PCDHGA9: variants seen among roughly 807,000 people sequenced by gnomAD.
PCDHGA9 encodes the protein protocadherin gamma-A9.
In PCDHGA9, 37 loss-of-function variants were observed where a neutral mutation model predicts 62.5. The ratio of observed to expected loss-of-function variants is 0.59; its 90% CI spans 0.46 to 0.78. The LOEUF is 0.78. PCDHGA9 is among the 30% of genes least tolerant of loss of function. The pLI is 0.00. For synonymous variants in PCDHGA9, 459 were observed against 484.6 expected, an observed-to-expected ratio of 0.95 and a Z score of 0.69; for missense variants, 1,138 against 1,166.2, an observed-to-expected ratio of 0.98 and a Z score of 0.35.
intron 1 of PCDHGA9, among the ~76,000 whole-genome samples, chr5:141,494,392 A>C (rs1296077484): frequency 1.3e-5 from 2 of 152,258 alleles, no homozygotes; most frequent in East Asian, 3.9e-4. Flanking sequence ...GAGTTGAATA[A>C]ATTCATTCTA....
chr5:141,423,141 G>A, intron 1 of PCDHGA9: 1 of 1,613,580 alleles, frequency 6.2e-7, no homozygotes, highest in Non-Finnish European at 8.5e-7. Context: ...ACAGAGACGC[G>A]CTCAAGCAGA....
intron 1 of PCDHGA9, chr5:141,419,733 AGGTGCGCATGGTGCGTGCTTTG>A (rs763538035): frequency 1.1e-5 from 18 of 1,613,646 alleles, no homozygotes; most frequent in Non-Finnish European, 1.4e-5. Context: ...CGAACAGGCG[AGGTGCGCATGGTGCGTGCTTTG>A]GGTGACAAGG....
chr5:141,415,419 C>A, intron 1 of PCDHGA9: 1 of 1,614,196 alleles, frequency 6.2e-7, no homozygotes, highest in East Asian at 2.2e-5. Context: ...TGGGCGTGGA[C>A]GGGGTTCGGG....
chr5:141,496,478 G>A lies in PCDHGA9; in HGVS notation c.2483+1613G>A, dbSNP rs150992994. 7.2e-3 allele frequency among the ~76,000 whole-genome samples: 1,093 copies of A among 152,228 alleles called. 19 individuals are homozygous for A. The highest frequency in any genetic ancestry group is 0.025 in the African/African-American group (1,039 of 41,518). ...CCAAGAGTTATCTTTCCCCCATCCT[G>A]CAACCAACCAAACCCTTGTTGCCAC... is the stretch of plus-strand genomic sequence containing the variant. On this transcript the variant is annotated intron_variant, in intron 2 of 3. Transcript: ENST00000573521.
intron 1 of PCDHGA9, among the ~76,000 whole-genome samples, chr5:141,434,831 A>T (rs1328843764): frequency 6.6e-6 from 1 of 151,904 alleles, no homozygotes; most frequent in East Asian, 1.9e-4. Flanking sequence ...TACACTTGGC[A>T]TTTATAAAGC....
intron 1 of PCDHGA9, chr5:141,414,590 G>C (rs1287207695): frequency 1.2e-6 from 2 of 1,613,936 alleles, no homozygotes; most frequent in South Asian, 1.1e-5. Flanking sequence ...AACGCCAGGG[G>C]TGCCTCCATC....
chr5:141,450,207 A>AAGG (rs1164364390), intron 1 of PCDHGA9, among the ~76,000 whole-genome samples: 13 of 151,832 alleles, frequency 8.6e-5, no homozygotes, highest in Non-Finnish European at 1.8e-4. Flanking sequence ...TAGTAGAGAC[A>AAGG]AGGTTTCACT....
intron 1 of PCDHGA9, among the ~76,000 whole-genome samples, chr5:141,457,046 T>A (rs2098905373): frequency 6.6e-6 from 1 of 152,198 alleles, no homozygotes; most frequent in South Asian, 2.1e-4. Flanking sequence ...ATAGTAAAAC[T>A]TTCATGCTTC....
chr5:141,415,740 G>GTTTTTTTTTTTTTTTTTT (rs57426385), intron 1 of PCDHGA9: 15 of 625,028 alleles, frequency 2.4e-5, no homozygotes, highest in African/African-American at 7.5e-5. Flanking sequence ...GTTTATTAAG[G>GTTTTTTTTTTTTTTTTTT]TTTTTTTTTT....
chr5:141,409,508 A>G, intron 1 of PCDHGA9: 2 of 1,614,022 alleles, frequency 1.2e-6, no homozygotes, highest in Non-Finnish European at 1.7e-6. Context: ...TTCTTCCAGT[A>G]GAAGCATCAC....
intron 1 of PCDHGA9, chr5:141,440,130 A>G (rs1222064545): frequency 6.6e-6 from 1 of 152,282 alleles, no homozygotes; most frequent in African/African-American, 2.4e-5. Context: ...TGAATGGATC[A>G]GGAGCAGATA....
In PCDHGA9 at chr5:141,486,329, A is replaced by C. The variant is rs1045072240; in HGVS notation, c.2425-8478A>C. 1.2e-6 allele frequency: 2 copies of C among 1,613,882 alleles called. No individual in the cohort carries two copies. Among genetic ancestry groups the C allele is most frequent in the African/African-American group, 2.7e-5 (2 of 74,866 alleles). ...AGACTCAGGGTCAAACGGAGATGTG[A>C]GCCTCCGCATTCCTGACCACTTGCC... On this transcript the variant is annotated intron_variant, in intron 1 of 3. Transcript: ENST00000573521. The surrounding 1 kb of genome is among the most constrained non-coding windows in gnomAD (Gnocchi z 5.0).
intron 2 of PCDHGA9, among the ~76,000 whole-genome samples, chr5:141,503,202 C>G (rs1562210201): frequency 6.6e-6 from 1 of 152,090 alleles, no homozygotes; most frequent in East Asian, 1.9e-4. Context: ...ATCAGCCTCT[C>G]AGTGCCCACC....
intron 2 of PCDHGA9, 143 bp from the exon 3 acceptor site, chr5:141,505,250 T>C: frequency 2.8e-6 from 4 of 1,439,476 alleles, no homozygotes; most frequent in Non-Finnish European, 9.3e-7. Flanking sequence ...ATTGTAGAAG[T>C]GCCTCCTACC....
At position 141,489,861 on chromosome 5, in the gene PCDHGA9, A is replaced by G. The variant is rs1221756350; in HGVS notation, c.2425-4946A>G. The G allele has an allele frequency of 1.2e-5, 19 of 1,614,058 alleles. No individual in the cohort carries two copies. Among genetic ancestry groups the G allele is most frequent in the Non-Finnish European group, 1.5e-5 (18 of 1,179,998 alleles). On this transcript the variant is annotated intron_variant, in intron 1 of 3. Transcript: ENST00000573521. The surrounding 1 kb of genome is among the most constrained non-coding windows in gnomAD (Gnocchi z 4.5). ...AGCTGGATCGTGAAGCCCAGGCAAGACATCAGCTGGTGCTTACTGCTGTGG... is the reference window on the plus strand; with the variant it reads ...AGCTGGATCGTGAAGCCCAGGCAAGGCATCAGCTGGTGCTTACTGCTGTGG...
In PCDHGA9 at chr5:141,402,956, G is replaced by A. The variant is rs1276206622; in HGVS notation, c.4G>A (p.Ala2Thr). Reference sequence around the variant, plus strand: ...AAAATTCCAAAGCGAGGCAGCAATGGCAGCTCCAACCAAATGCCAGCTCCG... The same window carrying A: ...AAAATTCCAAAGCGAGGCAGCAATGACAGCTCCAACCAAATGCCAGCTCCG... Reference protein sequence around the residue: MAAPTKCQLRGR... With the variant: MTAPTKCQLRGR... The change falls in exon 1 of 4, where the codon GCA (alanine) becomes ACA (threonine). Residue 2 changes from alanine (A) to threonine (T), a missense_variant. Ala to Thr is a moderately conservative substitution (Grantham distance 58, BLOSUM62 0). Coordinates refer to ENST00000573521, the MANE Select transcript of PCDHGA9 (RefSeq NM_018921.3). 1.2e-6 allele frequency: 2 copies of A among 1,601,842 alleles called. No individual in the cohort carries two copies. The highest frequency in any genetic ancestry group is 2.7e-5 in the African/African-American group (2 of 74,454).
At position 141,418,522 on chromosome 5, in the gene PCDHGA9, C is replaced by T. The variant is rs751177053; in HGVS notation, c.2424+13146C>T. The T allele has an allele frequency of 1.5e-5, 24 of 1,613,884 alleles. No individual in the cohort carries two copies. The African/African-American group carries it at 2.7e-4, about 18-fold the overall frequency. ...CCGCCTTAGATGGTGGGGACCCTCC[C>T]CGAAGCGGTACTGCTCAGATAAGAA... is the stretch of plus-strand genomic sequence containing the variant. On this transcript the variant is annotated intron_variant, in intron 1 of 3. Transcript: ENST00000573521.
At chr5:141,444,865 G>A (rs1038923777) in intron 1 of PCDHGA9, among the ~76,000 whole-genome samples, 1 of 152,098 alleles carries the variant, frequency 6.6e-6, no homozygotes, top group Non-Finnish European at 1.5e-5. Flanking sequence ...TCTTACTACA[G>A]GACAAAGCTT....
intron 1 of PCDHGA9, chr5:141,412,979 C>A: frequency 1.8e-6 from 1 of 542,930 alleles, no homozygotes; most frequent in Non-Finnish European, 3.2e-6. Flanking sequence ...AAAACGCAGC[C>A]AGAGCTCAAT....
Sources: gnomAD v4.1 joint callset for allele counts (sites outside exome capture counted in the v4.1 genomes callset) on GRCh38, gnomAD v4.1.1 for gene constraint, Gnocchi (gnomAD v3.1) non-coding constraint, MANE v1.5 for transcripts, NCBI Gene and HGNC (gene_info 2026-07-23, HGNC 2026-07-21) for gene names.